RGS4: variants seen among roughly 807,000 people sequenced by gnomAD.
RGS4 encodes schizophrenia disorder 9.
In RGS4, 15 loss-of-function variants were observed where a neutral mutation model predicts 21.6. The ratio of observed to expected loss-of-function variants is 0.69; its 90% confidence interval spans 0.46 to 1.07. The LOEUF (loss-of-function observed/expected upper bound fraction) is 1.07. RGS4 is among the 50% of genes least tolerant of loss of function. The probability of loss-of-function intolerance (pLI) is 0.00; values close to 1 mark genes in which losing one functional copy is unlikely to be tolerated. For synonymous variants in RGS4, 94 were observed against 85.5 expected (o/e 1.10, Z -0.55); for missense variants, 237 against 239.0 (o/e 0.99, Z 0.06).
At chr1:163,069,254 G>A (rs568489938), upstream of RGS4, 75 of 1,549,450 alleles carry the variant, frequency 4.8e-5, no homozygotes, top group Non-Finnish European at 6.3e-5. Flanking sequence ...TCTTTCAGGG[G>A]CTGGAGAGGC....
chr1:163,075,256 A>G lies in RGS4; in HGVS notation c.*696A>G, dbSNP rs947941379. ...AACAGGGCAAAATGAACTAACTGCCATGTAGGCTAAGAAAGAAATGCTAAC... is the reference window on the plus strand; with the variant it reads ...AACAGGGCAAAATGAACTAACTGCCGTGTAGGCTAAGAAAGAAATGCTAAC... On this transcript the variant is annotated 3_prime_UTR_variant, in exon 5 of 5. Coordinates refer to ENST00000367909, the MANE Select transcript of RGS4 (RefSeq NM_005613.6). The G allele has an allele frequency of 1.3e-5, 2 of 152,824 alleles. No homozygotes were observed. The highest frequency in any genetic ancestry group is 4.8e-5 in the African/African-American group (2 of 41,446). 9.5% of individuals were successfully genotyped at this position (152,824 alleles called of 1,614,324 possible). A position where few individuals can be genotyped will look rare whatever the true frequency, so the allele number is the denominator to read the frequency against.
rs566861680 is a variant in RGS4, at chr1:163,076,302, G to T, written c.*1742G>T. ...TGGGCTGCAAAATGAAGACACCAGAGTGTATGCATACAAATCTCACTGTAT... is the reference window on the plus strand; with the variant it reads ...TGGGCTGCAAAATGAAGACACCAGATTGTATGCATACAAATCTCACTGTAT... On this transcript the variant is annotated 3_prime_UTR_variant, in exon 5 of 5. Coordinates refer to ENST00000367909, the MANE Select transcript of RGS4 (RefSeq NM_005613.6). 14 of 152,720 alleles carry T rather than the reference G, an allele frequency of 9.2e-5. No homozygotes were observed. Among genetic ancestry groups the T allele is most frequent in the African/African-American group, 2.9e-4 (12 of 41,570 alleles). The allele number at this position is 152,720 out of a possible 1,614,324, so 9.5% of individuals were successfully genotyped here.
intron 3 of RGS4, 123 bp from the exon 4 acceptor site, chr1:163,073,332 AG>A: frequency 1.3e-6 from 1 of 765,720 alleles, no homozygotes; most frequent in Non-Finnish European, 2.0e-6. Context: ...TGAAAAAAGC[AG>A]GGGAAAAAGG....
rs1655479319 is a variant in RGS4 at position 163,075,873 on chromosome 1, G to A, written c.*1313G>A. On this transcript the variant is annotated 3_prime_UTR_variant, in exon 5 of 5. Coordinates refer to ENST00000367909, the MANE Select transcript of RGS4 (RefSeq NM_005613.6). ...GTTTTCTCTTTTAAGGTAGAATCTT[G>A]TTAATTTCATTCCAAACATCGGGGC... 1 of 152,362 alleles carries A rather than the reference G, an allele frequency of 6.6e-6. No homozygotes were observed. Among genetic ancestry groups the A allele is most frequent in the Non-Finnish European group, 1.5e-5 (1 of 67,968 alleles). 9.4% of individuals were successfully genotyped at this position (152,362 alleles called of 1,614,324 possible). A position where few individuals can be genotyped will look rare whatever the true frequency, so the allele number is the denominator to read the frequency against.
At chr1:163,072,199 C>T in intron 1 of RGS4, 196 bp from the exon 2 acceptor site, 2 of 1,015,552 alleles carry the variant, frequency 2.0e-6, no homozygotes, top group Non-Finnish European at 2.6e-6. Context: ...GTTATGACTG[C>T]CTCAAGGTTT....
rs1178390357 is a variant in RGS4, at chr1:163,073,535, G to A, written c.291G>A (p.Glu97=). The change falls in exon 4 of 5, where the codon GAG becomes GAA. Residue 97 remains glutamate (E), a synonymous_variant. Coordinates refer to ENST00000367909, the MANE Select transcript of RGS4 (RefSeq NM_005613.6). ...ENIDFWISCE[E]YKKIKSPSKL... ...TTGACTTCTGGATCAGCTGTGAAGA[G>A]TACAAGAAAATCAAATCACCATCTA... 1 of 1,611,984 alleles carries A rather than the reference G, an allele frequency of 6.2e-7. No individual in the cohort carries two copies. The highest frequency in any genetic ancestry group is 1.3e-5 in the African/African-American group (1 of 74,906).
intron 1 of RGS4, 56 bp from the exon 2 acceptor site, chr1:163,072,339 A>C: frequency 7.6e-7 from 1 of 1,312,060 alleles, no homozygotes; most frequent in Non-Finnish European, 1.1e-6. Context: ...ACCATTAGGT[A>C]TCTTTTAAAG....
At chr1:163,069,872 G>C (rs1655246119) in intron 1 of RGS4, among the ~76,000 whole-genome samples, 1 of 152,090 alleles carries the variant, frequency 6.6e-6, no homozygotes, top group Admixed American at 6.6e-5. Flanking sequence ...ACTGCTATTT[G>C]AGCATCCCTG....
chr1:163,071,464 A>T (rs945343864), intron 1 of RGS4, among the ~76,000 whole-genome samples: 1 of 152,062 alleles, frequency 6.6e-6, no homozygotes, highest in Non-Finnish European at 1.5e-5. Flanking sequence ...CTTTTTTAAT[A>T]AAAAGAGATG....
intron 2 of RGS4, 83 bp downstream of exon 2, chr1:163,072,582 C>T: frequency 1.9e-6 from 2 of 1,057,614 alleles, no homozygotes; most frequent in South Asian, 1.4e-5. Context: ...AACTTGTGCT[C>T]CTAGTTAAGC....
chr1:163,069,648 C>G, intron 1 of RGS4, 120 bp downstream of exon 1: 1 of 801,318 alleles, frequency 1.2e-6, no homozygotes, highest in South Asian at 1.8e-5. Context: ...CAGGAGAGCA[C>G]GACTTTCTAA....
At chr1:163,069,171 C>A (rs1220765180), upstream of RGS4, 8 of 1,499,160 alleles carry the variant, frequency 5.3e-6, no homozygotes, top group South Asian at 4.1e-5. Context: ...TTTCCCATAT[C>A]CCTACTTTTC....
Position 163,074,974 on chromosome 1 carries a change from G to T in RGS4, c.*414G>T, listed in dbSNP as rs1655449403. The T allele has an allele frequency of 2.1e-6, 1 of 473,486 alleles. No homozygotes were observed. The highest frequency in any genetic ancestry group is 2.6e-5 in the South Asian group (1 of 38,924). The allele number at this position is 473,486 out of a possible 1,614,324, so 29.3% of individuals were successfully genotyped here. A position where few individuals can be genotyped will look rare whatever the true frequency, so the allele number is the denominator to read the frequency against. Reference sequence around the variant, plus strand: ...TTCTCCAGACTCTAGATGTTTAGATGAGGTTGAGCTATGATATGTGCTTGT... The same window carrying T: ...TTCTCCAGACTCTAGATGTTTAGATTAGGTTGAGCTATGATATGTGCTTGT... On this transcript the variant is annotated 3_prime_UTR_variant, in exon 5 of 5. Transcript: ENST00000367909.
At position 163,069,511 on chromosome 1, in the gene RGS4, G is replaced by T. The variant is rs373996473; in HGVS notation, c.27G>T (p.Pro9=). 3 of 1,613,282 alleles carry T rather than the reference G, an allele frequency of 1.9e-6. No homozygotes were observed. Among genetic ancestry groups the T allele is most frequent in the Non-Finnish European group, 1.7e-6 (2 of 1,179,626 alleles). MCKGLAGL[P]ASCLRSAKDM... is the part of the protein sequence containing the mutation. ...TGTGCAAAGGGCTTGCAGGTCTGCC[G>T]GCTTCTTGCTTGAGGAGGTAAGATT... is the stretch of plus-strand genomic sequence containing the variant. The change falls in exon 1 of 5, where the codon CCG becomes CCT. Residue 9 remains proline, a synonymous_variant. Coordinates refer to ENST00000367909, the MANE Select transcript of RGS4 (RefSeq NM_005613.6).
At chr1:163,069,554 A>C in intron 1 of RGS4, 26 bp downstream of exon 1, 2 of 1,589,146 alleles carry the variant, frequency 1.3e-6, no homozygotes. Flanking sequence ...GCCATTAACC[A>C]TATTAAACTT....
chr1:163,072,501 T>C lies in RGS4; in HGVS notation c.149+2T>C, dbSNP rs1209581142. ...GGACAAAGTGGTTATTTGCCAGAGG[T>C]AAGAGAAAAGGCCTTGGTGAAGATG... On this transcript the variant is annotated splice_donor_variant, in intron 2 of 4. Transcript: ENST00000367909. LOFTEE classifies it high-confidence loss of function. The C allele has an allele frequency of 6.3e-7, 1 of 1,596,116 alleles. No individual in the cohort carries two copies.
chr1:163,072,956 T>A, intron 3 of RGS4, 90 bp downstream of exon 3: 6 of 1,108,834 alleles, frequency 5.4e-6, no homozygotes, highest in Non-Finnish European at 8.0e-6. Context: ...AGGCCTGGCT[T>A]CTTTCTGATG....
chr1:163,071,859 C>CCA, intron 1 of RGS4: 1 of 24,204 alleles, frequency 4.1e-5, no homozygotes, highest in African/African-American at 1.2e-4. Context: ...CTGCTTGCCC[C>CCA]CCCCCCCCCC....
chr1:163,072,336 G>A, intron 1 of RGS4, 59 bp from the exon 2 acceptor site: 1 of 1,291,208 alleles, frequency 7.7e-7, no homozygotes, highest in Non-Finnish European at 1.1e-6. Context: ...TCTACCATTA[G>A]GTATCTTTTA....
Sources: allele counts gnomAD v4.1 joint callset (sites outside exome capture counted in the v4.1 genomes callset), GRCh38; gene constraint gnomAD v4.1.1; transcripts MANE v1.5; gene names NCBI Gene and HGNC (gene_info 2026-07-23, HGNC 2026-07-21).